The following ZMAT4 variants were observed in gnomAD, a reference collection of about 807,000 sequenced individuals.
The protein encoded by ZMAT4 is zinc finger matrin-type protein 4.
A neutral mutation model predicts 28.7 loss-of-function variants in ZMAT4; 17 were observed. The ratio of observed to expected loss-of-function variants is 0.59; its 90% CI spans 0.41 to 0.89. The LOEUF (loss-of-function observed/expected upper bound fraction) is 0.89. ZMAT4 is among the 40% of genes least tolerant of loss of function. ZMAT4 has a pLI of 0.00. For missense variants in ZMAT4, 240 were observed against 283.8 expected (o/e 0.85, Z 1.11); for synonymous variants, 117 against 109.2 (o/e 1.07, Z -0.44).
intron 3 of ZMAT4, among the ~76,000 whole-genome samples, chr8:40,743,595 ACCACAGCGGACTAATAGAATC>A (rs964792035): frequency 6.6e-6 from 1 of 152,212 alleles, no homozygotes; most frequent in Non-Finnish European, 1.5e-5. Flanking sequence ...ACGCAGGAGG[ACCACAGCGGACTAATAGAATC>A]CCATTGGTCC....
chr8:40,715,783 C>T (rs763515235), intron 3 of ZMAT4, among the ~76,000 whole-genome samples: 7 of 152,220 alleles, frequency 4.6e-5, no homozygotes, highest in Non-Finnish European at 8.8e-5. Context: ...GCGTGGCCCA[C>T]CTCACTAATC....
chr8:40,781,789 A>AAAAAAAAAAAAAAAAAC (rs1563480296), intron 2 of ZMAT4, among the ~76,000 whole-genome samples: 2 of 147,936 alleles, frequency 1.4e-5, no homozygotes, highest in African/African-American at 5.1e-5. Context: ...AAAAAAAAAA[A>AAAAAAAAAAAAAAAAAC]AAGAAAAGAA....
chr8:40,862,664 C>T (rs1817543242), intron 1 of ZMAT4, among the ~76,000 whole-genome samples: 1 of 150,212 alleles, frequency 6.7e-6, no homozygotes, highest in South Asian at 2.1e-4. Context: ...AGTTCATGTC[C>T]TTTGTAGGGA....
intron 3 of ZMAT4, among the ~76,000 whole-genome samples, chr8:40,726,166 CT>C: frequency 6.6e-6 from 1 of 152,342 alleles, no homozygotes; most frequent in East Asian, 1.9e-4. Flanking sequence ...GAACAGCATC[CT>C]TGCACAGACT....
At chr8:40,590,135 T>C (rs1340627778) in intron 5 of ZMAT4, among the ~76,000 whole-genome samples, 1 of 151,472 alleles carries the variant, frequency 6.6e-6, no homozygotes, top group Non-Finnish European at 1.5e-5. Context: ...GACTCCTCCC[T>C]CAGCCTCCTT....
chr8:40,834,432 A>G (rs150059390), intron 1 of ZMAT4, among the ~76,000 whole-genome samples: 110 of 152,314 alleles, frequency 7.2e-4, no homozygotes, highest in African/African-American at 2.6e-3. Context: ...TGTAAATTCT[A>G]TGCAAATCCC....
At chr8:40,550,308 C>A (rs1013475779) in intron 6 of ZMAT4, among the ~76,000 whole-genome samples, 12 of 152,266 alleles carry the variant, frequency 7.9e-5, no homozygotes, top group African/African-American at 2.6e-4. Context: ...CCTCTGTCTT[C>A]CACTAAGGCT....
chr8:40,891,048 C>T (rs527694533), intron 1 of ZMAT4, among the ~76,000 whole-genome samples: 9 of 150,976 alleles, frequency 6.0e-5, no homozygotes, highest in Middle Eastern at 3.4e-3. Context: ...AAATCGAGGG[C>T]GGGGGCTGGA....
At chr8:40,772,001 A>G (rs757749663) in intron 2 of ZMAT4, among the ~76,000 whole-genome samples, 4 of 152,224 alleles carry the variant, frequency 2.6e-5, no homozygotes, top group African/African-American at 4.8e-5. Flanking sequence ...TGTTAAATGT[A>G]TATATTACAG....
chr8:40,660,151 A>G (rs1034873386), intron 5 of ZMAT4, among the ~76,000 whole-genome samples: 2 of 152,152 alleles, frequency 1.3e-5, no homozygotes, highest in Non-Finnish European at 2.9e-5. Flanking sequence ...ATTTTTGTTT[A>G]TTATTCGGGT....
At chr8:40,791,201 C>T (rs923908645) in intron 2 of ZMAT4, among the ~76,000 whole-genome samples, 12 of 152,292 alleles carry the variant, frequency 7.9e-5, no homozygotes, top group East Asian at 1.9e-4. Flanking sequence ...CCAGAACCCA[C>T]TCAGGGAACA....
chr8:40,682,187 A>C (rs1258695598), intron 4 of ZMAT4, among the ~76,000 whole-genome samples: 1 of 152,188 alleles, frequency 6.6e-6, no homozygotes, highest in Non-Finnish European at 1.5e-5. Flanking sequence ...TTATTTTACC[A>C]TTTATATATA....
At chr8:40,669,008 G>T (rs143829832) in intron 5 of ZMAT4, among the ~76,000 whole-genome samples, 2 of 152,064 alleles carry the variant, frequency 1.3e-5, no homozygotes, top group Non-Finnish European at 2.9e-5. Flanking sequence ...GGTCAGGGGG[G>T]TCAGGAACTT....
chr8:40,893,434 C>T (rs1818762527), intron 1 of ZMAT4, among the ~76,000 whole-genome samples: 1 of 152,182 alleles, frequency 6.6e-6, no homozygotes, highest in Non-Finnish European at 1.5e-5. Flanking sequence ...TAAGCACATG[C>T]CCAAGTTCAA....
intron 6 of ZMAT4, among the ~76,000 whole-genome samples, chr8:40,569,887 T>C (rs1288884153): frequency 6.6e-6 from 1 of 152,120 alleles, no homozygotes; most frequent in Admixed American, 6.5e-5. Flanking sequence ...TTCTGCCAGC[T>C]GGAAAATAGA....
rs565015874 is a variant in ZMAT4, at chr8:40,679,212, C to T, written c.350-4281G>A. ...TTGTCAAGGAGTATGTTATCAGCTG[C>T]TGTCACCTGTTGGATATGTTGTCTT... is the stretch of plus-strand genomic sequence containing the variant. On this transcript the variant is annotated intron_variant, in intron 4 of 6. Transcript: ENST00000297737. Among the ~76,000 whole-genome samples, 294 of 152,284 alleles carry T rather than the reference C, an allele frequency of 1.9e-3. 1 individual carries two copies. The highest frequency in any genetic ancestry group is 6.6e-3 in the African/African-American group (273 of 41,562).
At chr8:40,695,184 C>T (rs1809826730) in intron 4 of ZMAT4, among the ~76,000 whole-genome samples, 2 of 152,248 alleles carry the variant, frequency 1.3e-5, no homozygotes, top group Admixed American at 1.3e-4. Context: ...ACATTGCATA[C>T]ATTTGCATGT....
At chr8:40,725,349 C>A (rs1185359076) in intron 3 of ZMAT4, among the ~76,000 whole-genome samples, 1 of 152,170 alleles carries the variant, frequency 6.6e-6, no homozygotes, top group African/African-American at 2.4e-5. Context: ...AATGTAACGT[C>A]TTTCCTGAGG....
At position 40,826,018 on chromosome 8, in the gene ZMAT4, G is replaced by A. The variant is rs192899266; in HGVS notation, c.-4-338C>T. Reference sequence around the variant, plus strand: ...TCACGCCTGTAGTCCCAGTGTTTTGGGAGGCCGAGGTGGGAGCATCACTTG... The same window carrying A: ...TCACGCCTGTAGTCCCAGTGTTTTGAGAGGCCGAGGTGGGAGCATCACTTG... On this transcript the variant is annotated intron_variant, in intron 1 of 6. Coordinates refer to ENST00000297737, the MANE Select transcript of ZMAT4 (RefSeq NM_024645.3). Among the ~76,000 whole-genome samples, 337 of 152,308 alleles carry A rather than the reference G, an allele frequency of 2.2e-3. 1 individual carries two copies. The highest frequency in any genetic ancestry group is 4.0e-3 in the Non-Finnish European group (269 of 68,022).
Sources: allele counts gnomAD v4.1 joint callset (sites outside exome capture counted in the v4.1 genomes callset), GRCh38; gene constraint gnomAD v4.1.1; transcripts MANE v1.5; gene names NCBI Gene and HGNC (gene_info 2026-07-23, HGNC 2026-07-21).